Variants in KIF26B observed in about 807,000 individuals in gnomAD.
KIF26B encodes kinesin-like protein KIF26B.
A neutral mutation model predicts 151.2 loss-of-function variants in KIF26B; 63 were observed. The ratio of observed to expected loss-of-function variants is 0.42; its 90% CI spans 0.34 to 0.51. The LOEUF (loss-of-function observed/expected upper bound fraction) is 0.51, where lower values mean the gene tolerates loss of function less well. Ranked by LOEUF, KIF26B falls within the 20% of genes least tolerant of loss-of-function variation. The pLI is 0.07. For synonymous variants in KIF26B, 1,357 were observed against 1,262.1 expected (o/e 1.08, Z -1.59); for missense variants, 2,813 against 2,913.6 (o/e 0.97, Z 0.79).
intron 2 of KIF26B, among the ~76,000 whole-genome samples, chr1:245,165,539 GAGA>G (rs1668601489): frequency 1.3e-5 from 2 of 152,192 alleles, no homozygotes; most frequent in Admixed American, 6.5e-5. Flanking sequence ...TGTCAGCGTA[GAGA>G]AGGTGATGGA....
intron 4 of KIF26B, among the ~76,000 whole-genome samples, chr1:245,521,925 A>G (rs185036495): frequency 2.3e-4 from 31 of 135,020 alleles, no homozygotes; most frequent in African/African-American, 7.5e-4. Context: ...GATGGAGTGC[A>G]GTGGTGCGAT....
intron 2 of KIF26B, among the ~76,000 whole-genome samples, chr1:245,237,321 ATGGCATC>A (rs1361430248): frequency 6.6e-6 from 1 of 152,296 alleles, no homozygotes; most frequent in Admixed American, 6.5e-5. Context: ...CTCTGGACAT[ATGGCATC>A]ATCTTATTTC....
At chr1:245,280,503 C>T (rs1671022306) in intron 2 of KIF26B, among the ~76,000 whole-genome samples, 1 of 130,368 alleles carries the variant, frequency 7.7e-6, no homozygotes, top group African/African-American at 3.2e-5. Context: ...TGCACTCCAG[C>T]CTGGGCAACA....
intron 2 of KIF26B, among the ~76,000 whole-genome samples, chr1:245,231,224 T>G (rs925005521): frequency 2.9e-4 from 44 of 152,194 alleles, no homozygotes; most frequent in African/African-American, 1.1e-3. Context: ...TATTTAAAAC[T>G]ACAATCTAGG....
rs529455869 is a variant in KIF26B, at chr1:245,579,559, C to G, written c.1351-23018C>G. On this transcript the variant is annotated intron_variant, in intron 5 of 14. Coordinates refer to ENST00000407071, the MANE Select transcript of KIF26B (RefSeq NM_018012.4). ...TGCAGTGGCTCAACGCCTGTAATCC[C>G]AGCACTTTGGGAGGCTGAGGCGGGT... 7.9e-5 allele frequency among the ~76,000 whole-genome samples: 12 copies of G among 152,284 alleles called. No individual in the cohort carries two copies. The East Asian group carries it at 2.3e-3, about 29-fold the overall frequency.
At chr1:245,275,763 T>C (rs548801371) in intron 2 of KIF26B, among the ~76,000 whole-genome samples, 1 of 152,324 alleles carries the variant, frequency 6.6e-6, no homozygotes, top group East Asian at 1.9e-4. Context: ...TACTTTTATA[T>C]GCTTTCATTT....
At chr1:245,291,640 C>T (rs946577206) in intron 2 of KIF26B, among the ~76,000 whole-genome samples, 1 of 152,170 alleles carries the variant, frequency 6.6e-6, no homozygotes, top group Non-Finnish European at 1.5e-5. Flanking sequence ...AAGACAGATT[C>T]CTGTTCTCCA....
intron 4 of KIF26B, among the ~76,000 whole-genome samples, chr1:245,471,884 C>T (rs987302161): frequency 2.0e-5 from 3 of 151,916 alleles, no homozygotes; most frequent in South Asian, 4.2e-4. Context: ...CTCCACCTCC[C>T]GGGTTCAAGT....
chr1:245,311,350 G>C (rs1410834135), intron 2 of KIF26B, among the ~76,000 whole-genome samples: 1 of 127,040 alleles, frequency 7.9e-6, no homozygotes, highest in African/African-American at 3.0e-5. Context: ...CTGAAGCTCA[G>C]GCTGGTCGCT....
At chr1:245,644,224 G>C (rs1171191954) in intron 9 of KIF26B, among the ~76,000 whole-genome samples, 1 of 151,496 alleles carries the variant, frequency 6.6e-6, no homozygotes, top group African/African-American at 2.4e-5. Context: ...TTTATTGCTA[G>C]ATCTTCAAAT....
At chr1:245,477,678 C>T (rs1342053865) in intron 4 of KIF26B, among the ~76,000 whole-genome samples, 1 of 151,480 alleles carries the variant, frequency 6.6e-6, no homozygotes, top group Middle Eastern at 3.2e-3. Flanking sequence ...GAGGGAACAG[C>T]AAGGTTAAAG....
chr1:245,160,485 C>A (rs934152175), intron 2 of KIF26B, among the ~76,000 whole-genome samples: 1 of 152,170 alleles, frequency 6.6e-6, no homozygotes, highest in African/African-American at 2.4e-5. Flanking sequence ...CAATTTTGGG[C>A]TAGCCTAGAT....
intron 10 of KIF26B, among the ~76,000 whole-genome samples, chr1:245,646,846 T>C (rs1376826210): frequency 6.6e-6 from 1 of 152,164 alleles, no homozygotes; most frequent in Non-Finnish European, 1.5e-5. Flanking sequence ...CATGCAAATG[T>C]TTAGTCACTT....
At chr1:245,426,223 C>G (rs556150474) in intron 4 of KIF26B, among the ~76,000 whole-genome samples, 163 of 151,782 alleles carry the variant, frequency 1.1e-3, no homozygotes, top group African/African-American at 3.7e-3. Context: ...TCCCTTCTTT[C>G]CTCCCTTCCT....
At chr1:245,568,701 G>A (rs2043035981) in intron 5 of KIF26B, among the ~76,000 whole-genome samples, 1 of 152,186 alleles carries the variant, frequency 6.6e-6, no homozygotes, top group South Asian at 2.1e-4. Context: ...ATTCTTAAAT[G>A]AAACTCAGAA....
chr1:245,230,399 G>T (rs955802897), intron 2 of KIF26B, among the ~76,000 whole-genome samples: 1 of 152,116 alleles, frequency 6.6e-6, no homozygotes, highest in Non-Finnish European at 1.5e-5. Context: ...AAATCCAATT[G>T]ATGTAAGAAT....
intron 2 of KIF26B, among the ~76,000 whole-genome samples, chr1:245,240,640 C>T (rs1283004248): frequency 6.6e-6 from 1 of 152,084 alleles, no homozygotes; most frequent in Non-Finnish European, 1.5e-5. Context: ...ACATTTTTAC[C>T]AAAAGCTCTG....
intron 4 of KIF26B, among the ~76,000 whole-genome samples, chr1:245,494,166 C>A (rs1345961579): frequency 1.3e-5 from 2 of 152,044 alleles, no homozygotes; most frequent in Non-Finnish European, 1.5e-5. Flanking sequence ...CTTAGCTGGG[C>A]ATGGTGGTGG....
At chr1:245,267,633 T>TGC (rs1205416042) in intron 2 of KIF26B, among the ~76,000 whole-genome samples, 5 of 83,268 alleles carry the variant, frequency 6.0e-5, no homozygotes, top group Non-Finnish European at 1.2e-4. Flanking sequence ...AGCTAAGTAA[T>TGC]GCACACACAC....
Sources: allele counts gnomAD v4.1 joint callset (sites outside exome capture counted in the v4.1 genomes callset), GRCh38; gene constraint gnomAD v4.1.1; transcripts MANE v1.5; gene names NCBI Gene and HGNC (gene_info 2026-07-23, HGNC 2026-07-21).